The following OXR1 variants were observed in gnomAD, a reference collection of about 807,000 sequenced individuals.
OXR1 encodes oxidation resistance 1.
Under a neutral mutation model 104.6 loss-of-function variants are expected in OXR1, and 41 were observed. The ratio of observed to expected loss-of-function variants is 0.39; its 90% CI spans 0.31 to 0.51. OXR1 has a LOEUF of 0.51. OXR1 is among the 20% of genes least tolerant of loss of function. The probability of loss-of-function intolerance (pLI) is 0.77; values close to 1 mark genes in which losing one functional copy is unlikely to be tolerated. For synonymous variants in OXR1, 348 were observed against 348.4 expected (o/e 1.00, Z 0.01); for missense variants, 955 against 1,031.9 (o/e 0.93, Z 1.02).
intron 3 of OXR1, among the ~76,000 whole-genome samples, chr8:106,646,413 A>G (rs1161851136): frequency 6.6e-6 from 1 of 152,120 alleles, no homozygotes. Context: ...TGGCCCTATT[A>G]TCTTTAATAA....
chr8:106,291,256 C>G (rs770090732), intron 1 of OXR1, among the ~76,000 whole-genome samples: 2 of 152,022 alleles, frequency 1.3e-5, no homozygotes, highest in Non-Finnish European at 2.9e-5. Context: ...GAACCTAAAC[C>G]TGGAAACAGG....
intron 3 of OXR1, among the ~76,000 whole-genome samples, chr8:106,581,509 A>T (rs958344630): frequency 2.2e-4 from 33 of 151,862 alleles, no homozygotes; most frequent in African/African-American, 7.5e-4. Flanking sequence ...TTTTTTTTTA[A>T]AAAAAACCTT....
At chr8:106,513,635 A>G (rs542027381) in intron 2 of OXR1, among the ~76,000 whole-genome samples, 15 of 152,328 alleles carry the variant, frequency 9.8e-5, no homozygotes, top group African/African-American at 3.4e-4. Flanking sequence ...TTCAGTGTTT[A>G]TCGAAAGTGG....
rs201599388 is a variant in OXR1 at position 106,405,156 on chromosome 8, A to AG, written c.23+45520_23+45521insG. Among the ~76,000 whole-genome samples the AG allele has an allele frequency of 6.0e-3, 105 of 17,574 alleles. 6 individuals carry two copies. Among genetic ancestry groups the AG allele is most frequent in the African/African-American group, 0.033 (99 of 2,968 alleles). The allele number at this position is 17,574 out of a possible 152,430, so 11.5% of individuals were successfully genotyped here. On this transcript the variant is annotated intron_variant, in intron 2 of 16. Transcript: ENST00000517566. Reference sequence around the variant, plus strand: ...TCAGAAACCACATATATATATATATATATATATATATATATATATATATAT... The same window carrying AG: ...TCAGAAACCACATATATATATATATAGTATATATATATATATATATATATAT...
intron 2 of OXR1, among the ~76,000 whole-genome samples, chr8:106,477,802 A>G (rs1821887147): frequency 6.6e-6 from 1 of 151,808 alleles, no homozygotes; most frequent in South Asian, 2.1e-4. Flanking sequence ...TAATAGTGTA[A>G]TTTTTTTATT....
At chr8:106,584,266 C>T (rs948230308) in intron 3 of OXR1, among the ~76,000 whole-genome samples, 2 of 151,138 alleles carry the variant, frequency 1.3e-5, no homozygotes, top group Non-Finnish European at 3.0e-5. Context: ...CATGGAACTC[C>T]ATCATCCAAA....
At position 106,751,754 on chromosome 8, in the gene OXR1, A is replaced by G. The variant is rs1191711231; in HGVS notation, c.*813A>G. ...CATTAACATAAGTACAAAAACTATG[A>G]AACAGATGCATATTTCCTCAACATA... On this transcript the variant is annotated 3_prime_UTR_variant, in exon 17 of 17. Coordinates refer to ENST00000517566, the MANE Select transcript of OXR1 (RefSeq NM_001198533.2). The G allele has an allele frequency of 2.0e-5, 3 of 152,570 alleles. No homozygotes were observed. Among genetic ancestry groups the G allele is most frequent in the African/African-American group, 7.2e-5 (3 of 41,460 alleles). The allele number at this position is 152,570 out of a possible 1,614,324, so 9.5% of individuals were successfully genotyped here.
chr8:106,308,589 G>C (rs112771851), intron 1 of OXR1, among the ~76,000 whole-genome samples: 1 of 152,220 alleles, frequency 6.6e-6, no homozygotes, highest in East Asian at 1.9e-4. Context: ...CTGGTTCCTC[G>C]CTATTAATGG....
chr8:106,529,949 A>G (rs1219260722), intron 3 of OXR1, among the ~76,000 whole-genome samples: 3 of 152,190 alleles, frequency 2.0e-5, no homozygotes, highest in Non-Finnish European at 4.4e-5. Context: ...AATTTCCTAA[A>G]TCACTATTAA....
chr8:106,313,390 G>T lies in OXR1; in HGVS notation c.-139+43023G>T, dbSNP rs962693916. On this transcript the variant is annotated intron_variant, in intron 1 of 16. Coordinates refer to ENST00000517566, the MANE Select transcript of OXR1 (RefSeq NM_001198533.2). ...TAGAAACCAATATAATTAGGGTACAGCATATTCTGTCCTGTAGTAGATTTT... is the reference window on the plus strand; with the variant it reads ...TAGAAACCAATATAATTAGGGTACATCATATTCTGTCCTGTAGTAGATTTT... Among the ~76,000 whole-genome samples the T allele has an allele frequency of 3.0e-4, 45 of 152,256 alleles. No individual in the cohort carries two copies. In the South Asian group the frequency reaches 8.9e-3, roughly 30 times the overall value.
At chr8:106,508,765 C>A (rs1213541856) in intron 2 of OXR1, among the ~76,000 whole-genome samples, 1 of 152,158 alleles carries the variant, frequency 6.6e-6, no homozygotes, top group African/African-American at 2.4e-5. Context: ...ATCATATTTT[C>A]TGTACCTTCT....
At chr8:106,641,457 G>A (rs1823621981) in intron 3 of OXR1, among the ~76,000 whole-genome samples, 1 of 152,176 alleles carries the variant, frequency 6.6e-6, no homozygotes, top group Admixed American at 6.5e-5. Flanking sequence ...GAGTGTTAAA[G>A]AATATTGAAT....
intron 16 of OXR1, among the ~76,000 whole-genome samples, chr8:106,749,108 T>C (rs899344572): frequency 7.9e-5 from 12 of 151,918 alleles, no homozygotes; most frequent in Admixed American, 3.9e-4. Flanking sequence ...TTTGGGAGGC[T>C]GAGGCGGGTG....
In OXR1 at chr8:106,551,900, G is replaced by A. The variant is rs903142789; in HGVS notation, c.220+32761G>A. Among the ~76,000 whole-genome samples, 659 of 137,458 alleles carry A rather than the reference G, an allele frequency of 4.8e-3. 3 individuals are homozygous for A. The highest frequency in any genetic ancestry group is 0.017 in the African/African-American group (617 of 36,178). The allele number at this position is 137,458 out of a possible 152,430, so 90.2% of individuals were successfully genotyped here. ...TGTGTGTGTGTGTGTGTGTGTGTGTGTATTTATATATATATAGCGGCCATG... is the reference window on the plus strand; with the variant it reads ...TGTGTGTGTGTGTGTGTGTGTGTGTATATTTATATATATATAGCGGCCATG... On this transcript the variant is annotated intron_variant, in intron 3 of 16. Coordinates refer to ENST00000517566, the MANE Select transcript of OXR1 (RefSeq NM_001198533.2).
chr8:106,596,965 A>T (rs537416250), intron 3 of OXR1, among the ~76,000 whole-genome samples: 11 of 152,256 alleles, frequency 7.2e-5, no homozygotes, highest in Non-Finnish European at 1.5e-4. Flanking sequence ...AGGCAGGAGT[A>T]TGGCTTGAAC....
intron 2 of OXR1, among the ~76,000 whole-genome samples, chr8:106,463,558 G>T (rs1241707934): frequency 1.3e-5 from 2 of 151,918 alleles, no homozygotes; most frequent in Admixed American, 6.6e-5. Context: ...ACCTAATTTT[G>T]TATGATGAGA....
At position 106,319,495 on chromosome 8, in the gene OXR1, G is replaced by A. The variant is rs114261365; in HGVS notation, c.-138-39981G>A. ...GACTGAAGAAACAAGGCATATTGAG[G>A]TAGAGCAATTAAAGCTCTTTTGGTC... On this transcript the variant is annotated intron_variant, in intron 1 of 16. Coordinates refer to ENST00000517566, the MANE Select transcript of OXR1 (RefSeq NM_001198533.2). 9.0e-3 allele frequency among the ~76,000 whole-genome samples: 1,363 copies of A among 152,264 alleles called. 25 individuals are homozygous for A. The highest frequency in any genetic ancestry group is 0.03 in the African/African-American group (1,250 of 41,544).
intron 2 of OXR1, among the ~76,000 whole-genome samples, chr8:106,390,234 A>T (rs766864661): frequency 3.9e-5 from 6 of 152,188 alleles, no homozygotes; most frequent in Non-Finnish European, 8.8e-5. Context: ...TTATAGATTT[A>T]TTTATTCCAC....
chr8:106,588,985 G>T (rs974165642), intron 3 of OXR1, among the ~76,000 whole-genome samples: 4 of 152,174 alleles, frequency 2.6e-5, no homozygotes, highest in African/African-American at 9.6e-5. Context: ...TAACAAGAGC[G>T]ATGTCTGGTA....
Sources: allele counts gnomAD v4.1 joint callset (sites outside exome capture counted in the v4.1 genomes callset), GRCh38; gene constraint gnomAD v4.1.1; transcripts MANE v1.5; gene names NCBI Gene and HGNC (gene_info 2026-07-23, HGNC 2026-07-21).